The following HHAT variants were observed in gnomAD, a reference collection of about 807,000 sequenced individuals.
HHAT encodes hedgehog acyltransferase.
A neutral mutation model predicts 70.8 loss-of-function variants in HHAT; 47 were observed. The ratio of observed to expected loss-of-function variants is 0.66; its 90% CI spans 0.53 to 0.85. HHAT has a LOEUF of 0.85. Ranked by LOEUF, HHAT falls within the 40% of genes least tolerant of loss-of-function variation. The probability of loss-of-function intolerance (pLI) is 0.00; values close to 1 mark genes in which losing one functional copy is unlikely to be tolerated. For synonymous variants in HHAT, 228 were observed against 247.6 expected (o/e 0.92, Z 0.74); for missense variants, 609 against 604.8 (o/e 1.01, Z -0.07).
intron 8 of HHAT, among the ~76,000 whole-genome samples, chr1:210,473,775 G>C (rs2148466498): frequency 6.6e-6 from 1 of 152,092 alleles, no homozygotes; most frequent in East Asian, 1.9e-4. Flanking sequence ...GTTCATGCTG[G>C]GTCAGGTCCT....
chr1:210,432,734 C>T (rs1370480331), intron 7 of HHAT, among the ~76,000 whole-genome samples: 1 of 151,796 alleles, frequency 6.6e-6, no homozygotes, highest in Non-Finnish European at 1.5e-5. Flanking sequence ...CTCCAGGCTG[C>T]CATGATGTGG....
intron 7 of HHAT, among the ~76,000 whole-genome samples, chr1:210,452,493 T>A (rs2093775487): frequency 6.6e-6 from 1 of 152,266 alleles, no homozygotes; most frequent in African/African-American, 2.4e-5. Flanking sequence ...TTCTTTCATC[T>A]GTACTCTCTC....
At chr1:210,334,178 A>ATGTTTTTTTTTTTTTTTTTTT (rs2085259041) in intron 1 of HHAT, among the ~76,000 whole-genome samples, 1 of 99,956 alleles carries the variant, frequency 1.0e-5, no homozygotes, top group African/African-American at 3.7e-5. Flanking sequence ...TTAGCGTGTC[A>ATGTTTTTTTTTTTTTTTTTTT]TTTTTTTTTT....
At chr1:210,342,692 C>T (rs1394542385) in intron 1 of HHAT, among the ~76,000 whole-genome samples, 1 of 152,148 alleles carries the variant, frequency 6.6e-6, no homozygotes, top group Admixed American at 6.5e-5. Context: ...TGAGTAAGAA[C>T]CTCCTTGATT....
chr1:210,362,787 A>C, intron 2 of HHAT, 65 bp from the exon 3 acceptor site: 1 of 1,322,804 alleles, frequency 7.6e-7, no homozygotes. Flanking sequence ...TCAGTGCTTC[A>C]GCTCTTCAGC....
At chr1:210,552,129 A>G (rs144935617) in intron 9 of HHAT, among the ~76,000 whole-genome samples, 205 of 152,156 alleles carry the variant, frequency 1.3e-3, no homozygotes, top group African/African-American at 4.8e-3. Context: ...CAGCTCTAAC[A>G]TTTTGTGTCT....
chr1:210,659,575 A>G (rs931045781), intron 11 of HHAT, among the ~76,000 whole-genome samples: 1 of 152,252 alleles, frequency 6.6e-6, no homozygotes, highest in African/African-American at 2.4e-5. Context: ...TTATGAGGCT[A>G]GCATCATCCT....
At chr1:210,418,809 G>A (rs1342982802) in intron 7 of HHAT, among the ~76,000 whole-genome samples, 1 of 152,148 alleles carries the variant, frequency 6.6e-6, no homozygotes, top group African/African-American at 2.4e-5. Context: ...GAAGCGGGCA[G>A]ATCACTTGAG....
intron 3 of HHAT, chr1:210,374,123 C>T (rs1419376484): frequency 1.2e-4 from 13 of 107,458 alleles, no homozygotes; most frequent in Admixed American, 2.3e-4. Context: ...ATAATGTTTT[C>T]CTCTTTAAGT....
chr1:210,336,034 CTAAA>C (rs1221876067), intron 1 of HHAT, among the ~76,000 whole-genome samples: 2 of 152,132 alleles, frequency 1.3e-5, no homozygotes, highest in Non-Finnish European at 2.9e-5. Context: ...AACCAGACAA[CTAAA>C]TAAACCATGG....
chr1:210,571,424 G>A (rs1310513091), intron 9 of HHAT, among the ~76,000 whole-genome samples: 4 of 152,128 alleles, frequency 2.6e-5, no homozygotes, highest in African/African-American at 7.2e-5. Context: ...GTCTTGGAAG[G>A]CAGGACCATG....
chr1:210,468,189 C>T (rs892119483), intron 8 of HHAT, among the ~76,000 whole-genome samples: 3 of 152,052 alleles, frequency 2.0e-5, no homozygotes, highest in Non-Finnish European at 4.4e-5. Context: ...TAATTTTCTG[C>T]TTAATTTTTG....
At chr1:210,594,466 C>T (rs931313477) in intron 10 of HHAT, among the ~76,000 whole-genome samples, 4 of 152,162 alleles carry the variant, frequency 2.6e-5, no homozygotes, top group Admixed American at 2.0e-4. Flanking sequence ...TTTGTTTGCA[C>T]TGCTTTTAAC....
chr1:210,381,071 G>A (rs2090599984), intron 3 of HHAT, among the ~76,000 whole-genome samples: 1 of 152,010 alleles, frequency 6.6e-6, no homozygotes, highest in Non-Finnish European at 1.5e-5. Flanking sequence ...TAAATGGGTA[G>A]AAGTGAGTAG....
intron 9 of HHAT, among the ~76,000 whole-genome samples, chr1:210,552,417 G>A (rs190863818): frequency 2.0e-5 from 3 of 152,324 alleles, no homozygotes; most frequent in Admixed American, 1.3e-4. Flanking sequence ...GGCTGAGATG[G>A]TGGAAATACG....
chr1:210,505,580 C>T (rs1163545055), intron 8 of HHAT, among the ~76,000 whole-genome samples: 1 of 152,180 alleles, frequency 6.6e-6, no homozygotes, highest in Non-Finnish European at 1.5e-5. Flanking sequence ...CTAATCAGGG[C>T]TTCTTGAGTC....
intron 8 of HHAT, among the ~76,000 whole-genome samples, chr1:210,476,567 T>C (rs184656563): frequency 1.3e-5 from 2 of 152,342 alleles, no homozygotes; most frequent in Non-Finnish European, 2.9e-5. Flanking sequence ...CAAACCTCCA[T>C]GACTTGGGTG....
At chr1:210,475,891 C>T (rs1029360840) in intron 8 of HHAT, among the ~76,000 whole-genome samples, 18 of 152,078 alleles carry the variant, frequency 1.2e-4, no homozygotes, top group Admixed American at 3.9e-4. Context: ...TTAGGATTAA[C>T]TTATTTATTC....
At chr1:210,540,380 G>GA (rs1201328016) in intron 9 of HHAT, among the ~76,000 whole-genome samples, 1 of 151,818 alleles carries the variant, frequency 6.6e-6, no homozygotes, top group East Asian at 1.9e-4. Context: ...GAAAACTGGG[G>GA]AAAAAATACC....
Sources: gnomAD v4.1 joint callset for allele counts (sites outside exome capture counted in the v4.1 genomes callset) on GRCh38, gnomAD v4.1.1 for gene constraint, MANE v1.5 for transcripts, NCBI Gene and HGNC (gene_info 2026-07-23, HGNC 2026-07-21) for gene names.